The following DDHD1 variants were observed in gnomAD, a reference collection of about 807,000 sequenced individuals.
The protein encoded by DDHD1 is DDHD domain containing 1.
DDHD1 carries 49 observed loss-of-function variants against 96.4 expected under a neutral mutation model. The ratio of observed to expected loss-of-function variants is 0.51; its 90% CI spans 0.40 to 0.64. The LOEUF is 0.64. DDHD1 is among the 30% of genes least tolerant of loss of function. The probability of loss-of-function intolerance (pLI) is 0.00; values close to 1 mark genes in which losing one functional copy is unlikely to be tolerated. For synonymous variants in DDHD1, 442 were observed against 446.5 expected (o/e 0.99, Z 0.13); for missense variants, 1,106 against 1,161.2 (o/e 0.95, Z 0.69).
At chr14:53,090,709 C>T (rs1886362545) in intron 4 of DDHD1, among the ~76,000 whole-genome samples, 1 of 152,132 alleles carries the variant, frequency 6.6e-6, no homozygotes, top group Non-Finnish European at 1.5e-5. Context: ...CAACATCACA[C>T]ACCGGGCCCC....
chr14:53,133,500 C>T (rs532620093), intron 1 of DDHD1, among the ~76,000 whole-genome samples: 2 of 152,278 alleles, frequency 1.3e-5, no homozygotes, highest in East Asian at 1.9e-4. Context: ...TGCTCCTTAT[C>T]GCCCTCAATC....
chr14:53,084,976 C>T (rs7142385), intron 4 of DDHD1, among the ~76,000 whole-genome samples: 11,780 of 152,332 alleles, frequency 0.077, 1,200 homozygotes, highest in African/African-American at 0.23. Flanking sequence ...TTATATCCCG[C>T]GCCTGGCTCA....
At chr14:53,100,545 G>C (rs1469117657) in intron 2 of DDHD1, among the ~76,000 whole-genome samples, 1 of 152,104 alleles carries the variant, frequency 6.6e-6, no homozygotes, top group Non-Finnish European at 1.5e-5. Flanking sequence ...AAAGGGACTT[G>C]GATGTCCTCA....
intron 1 of DDHD1, among the ~76,000 whole-genome samples, chr14:53,123,628 A>G (rs1162106692): frequency 6.6e-6 from 1 of 152,206 alleles, no homozygotes; most frequent in African/African-American, 2.4e-5. Context: ...GAAAACCTGT[A>G]TTAAACCAAA....
Position 53,044,371 on chromosome 14 carries a change from C to T in DDHD1, c.*2397G>A, listed in dbSNP as rs1881867349. Reference sequence around the variant, plus strand: ...TATTCCTATGGCTATAGGAACATACCTTTTACTCAGTGATATCAAATTAAA... The same window carrying T: ...TATTCCTATGGCTATAGGAACATACTTTTTACTCAGTGATATCAAATTAAA... On this transcript the variant is annotated 3_prime_UTR_variant, in exon 13 of 13. Coordinates refer to ENST00000673822, the MANE Select transcript of DDHD1 (RefSeq NM_001160148.2). The T allele has an allele frequency of 6.6e-6, 1 of 152,008 alleles. No individual in the cohort carries two copies. Among genetic ancestry groups the T allele is most frequent in the African/African-American group, 2.4e-5 (1 of 41,374 alleles). The allele number at this position is 152,008 out of a possible 1,614,324, so 9.4% of individuals were successfully genotyped here. A position where few individuals can be genotyped will look rare whatever the true frequency, so the allele number is the denominator to read the frequency against.
intron 1 of DDHD1, 31 bp downstream of exon 1, chr14:53,152,230 C>A (rs1891448339): frequency 1.3e-6 from 2 of 1,557,916 alleles, no homozygotes; most frequent in Non-Finnish European, 1.7e-6. Context: ...AGGGGCAGCC[C>A]GTCCTGCCCT....
intron 1 of DDHD1, among the ~76,000 whole-genome samples, chr14:53,106,702 T>C (rs1240114152): frequency 1.3e-5 from 2 of 152,178 alleles, no homozygotes; most frequent in African/African-American, 2.4e-5. Context: ...ATTTTATTAA[T>C]AATATAATCT....
intron 1 of DDHD1, among the ~76,000 whole-genome samples, chr14:53,143,396 A>G (rs2045497074): frequency 6.6e-6 from 1 of 152,320 alleles, no homozygotes; most frequent in Non-Finnish European, 1.5e-5. Context: ...CTTGAACACA[A>G]ATTTAATTTC....
chr14:53,049,712 G>C (rs913173080), intron 12 of DDHD1, among the ~76,000 whole-genome samples: 2 of 148,484 alleles, frequency 1.3e-5, no homozygotes, highest in African/African-American at 5.0e-5. Context: ...TTTCTCTCTG[G>C]AATGCCCAAG....
chr14:53,116,151 G>T (rs1206309660), intron 1 of DDHD1, among the ~76,000 whole-genome samples: 3 of 152,172 alleles, frequency 2.0e-5, no homozygotes, highest in Non-Finnish European at 4.4e-5. Flanking sequence ...ATGGTAAAGG[G>T]ATCAATGCAA....
At chr14:53,088,037 C>G (rs1428610480) in intron 4 of DDHD1, among the ~76,000 whole-genome samples, 3 of 152,190 alleles carry the variant, frequency 2.0e-5, no homozygotes, top group Non-Finnish European at 4.4e-5. Flanking sequence ...ACTATAAACA[C>G]CTCTATGCGA....
intron 12 of DDHD1, among the ~76,000 whole-genome samples, chr14:53,048,006 A>C (rs1882179996): frequency 6.6e-6 from 1 of 152,222 alleles, no homozygotes; most frequent in African/African-American, 2.4e-5. Flanking sequence ...CAAATTAAGA[A>C]GGAGATTGGA....
At chr14:53,057,899 G>T (rs1883199331) in intron 9 of DDHD1, among the ~76,000 whole-genome samples, 2 of 152,176 alleles carry the variant, frequency 1.3e-5, no homozygotes, top group South Asian at 4.1e-4. Flanking sequence ...GCCCAGGCTG[G>T]AGTGCAGTGG....
chr14:53,141,234 T>C (rs190676861), intron 1 of DDHD1, among the ~76,000 whole-genome samples: 1 of 152,276 alleles, frequency 6.6e-6, no homozygotes, highest in East Asian at 1.9e-4. Flanking sequence ...AGAGATTAAA[T>C]AAAACTACCA....
intron 1 of DDHD1, among the ~76,000 whole-genome samples, chr14:53,122,459 G>A (rs1889067127): frequency 6.6e-6 from 1 of 152,266 alleles, no homozygotes; most frequent in Non-Finnish European, 1.5e-5. Flanking sequence ...AACCTTGAGA[G>A]GGAATGTCTC....
chr14:53,073,382 G>A (rs1229726944), intron 5 of DDHD1, among the ~76,000 whole-genome samples: 1 of 151,966 alleles, frequency 6.6e-6, no homozygotes, highest in African/African-American at 2.4e-5. Context: ...AAGCTCGTAT[G>A]GAATTATGGA....
intron 4 of DDHD1, among the ~76,000 whole-genome samples, chr14:53,081,562 T>C (rs1354519000): frequency 1.3e-5 from 2 of 152,196 alleles, no homozygotes; most frequent in East Asian, 1.9e-4. Context: ...AAGGGTTTTA[T>C]TTGCATCAGT....
chr14:53,146,828 TA>T (rs531093835), intron 1 of DDHD1, among the ~76,000 whole-genome samples: 1 of 151,940 alleles, frequency 6.6e-6, no homozygotes. Flanking sequence ...ACAGTAACTA[TA>T]AAAAAATTTT....
chr14:53,140,848 A>G (rs980275442), intron 1 of DDHD1, among the ~76,000 whole-genome samples: 3 of 152,236 alleles, frequency 2.0e-5, no homozygotes, highest in African/African-American at 7.2e-5. Context: ...AGACACATAC[A>G]GGTTTAAAAG....
Sources: allele counts gnomAD v4.1 joint callset (sites outside exome capture counted in the v4.1 genomes callset), GRCh38; gene constraint gnomAD v4.1.1; transcripts MANE v1.5; gene names NCBI Gene and HGNC (gene_info 2026-07-23, HGNC 2026-07-21).